PCDHGA1: variants seen among roughly 807,000 people sequenced by gnomAD.
PCDHGA1 encodes the protein protocadherin gamma subfamily A, 1, also known as protocadherin gamma-A1.
A neutral mutation model predicts 58.0 loss-of-function variants in PCDHGA1; 32 were observed. The ratio of observed to expected loss-of-function variants is 0.55; its 90% CI spans 0.42 to 0.74. The LOEUF is 0.74. Ranked by LOEUF, PCDHGA1 falls within the 30% of genes least tolerant of loss-of-function variation. The pLI is 0.00. For synonymous variants in PCDHGA1, 498 were observed against 501.1 expected, an observed-to-expected ratio of 0.99 and a Z score of 0.08; for missense variants, 1,205 against 1,182.3, an observed-to-expected ratio of 1.02 and a Z score of -0.28.
chr5:141,341,218 C>G lies in PCDHGA1; in HGVS notation c.2421+8113C>G, dbSNP rs1021542966. 1 of 1,614,252 alleles carries G rather than the reference C, an allele frequency of 6.2e-7. No homozygotes were observed. The highest frequency in any genetic ancestry group is 8.5e-7 in the Non-Finnish European group (1 of 1,180,054). Reference sequence around the variant, plus strand: ...TGGGCGTGGACGGGGTTCGGGCTTTCCTGCAGACCTATTCCCACGAGGTCT... The same window carrying G: ...TGGGCGTGGACGGGGTTCGGGCTTTGCTGCAGACCTATTCCCACGAGGTCT... On this transcript the variant is annotated intron_variant, in intron 1 of 3. Transcript: ENST00000517417.
At chr5:141,361,516 G>C in intron 1 of PCDHGA1, 2 of 1,614,060 alleles carry the variant, frequency 1.2e-6, no homozygotes. Flanking sequence ...CATGGTTCAC[G>C]TGGCAGAGAA....
Position 141,331,440 on chromosome 5 carries a change from C to T in PCDHGA1, c.756C>T (p.Pro252=), listed in dbSNP as rs1220360160. 3.1e-6 allele frequency: 5 copies of T among 1,614,094 alleles called. No individual in the cohort carries two copies. The highest frequency in any genetic ancestry group is 4.5e-5 in the East Asian group (2 of 44,876). Residue 252 remains proline (P), a synonymous_variant, in exon 1 of 4, where the codon CCC becomes CCT. Coordinates refer to ENST00000517417, the MANE Select transcript of PCDHGA1 (RefSeq NM_018912.3). ...AGGCACAATACCATATAAATGTCCC[C>T]GAAAACGTGCCGCTGGGTACTCAGC... ...FTQAQYHINV[P]ENVPLGTQLL...
intron 1 of PCDHGA1, chr5:141,418,083 T>C: frequency 6.2e-7 from 1 of 1,614,068 alleles, no homozygotes; most frequent in Non-Finnish European, 8.5e-7. Context: ...AAGCTGCACT[T>C]CAGCGTAGAC....
chr5:141,356,986 A>C, intron 1 of PCDHGA1: 1 of 1,614,164 alleles, frequency 6.2e-7, no homozygotes, highest in Non-Finnish European at 8.5e-7. Context: ...GGCAGTGGAC[A>C]GAGACTCAGG....
rs1267617024 is a variant in PCDHGA1 at position 141,476,542 on chromosome 5, G to T, written c.2422-18265G>T. The T allele has an allele frequency of 6.2e-7, 1 of 1,614,210 alleles. No individual in the cohort carries two copies. The highest frequency in any genetic ancestry group is 1.7e-5 in the Admixed American group (1 of 60,036). On this transcript the variant is annotated intron_variant, in intron 1 of 3. Transcript: ENST00000517417. This position sits in a 1 kb window ranked among gnomAD's most constrained non-coding sequence, Gnocchi z 7.6. ...CTTTCCCTACCCAGGAAATGAAATT[G>T]GAGATTAGCGAGGCCGTGGCTCCGG...
chr5:141,423,699 T>C, intron 1 of PCDHGA1: 1 of 1,469,146 alleles, frequency 6.8e-7, no homozygotes, highest in East Asian at 2.5e-5. Context: ...GTTGGTGTCT[T>C]GGCACAAGTC....
chr5:141,362,610 G>T, intron 1 of PCDHGA1: 1 of 1,557,774 alleles, frequency 6.4e-7, no homozygotes, highest in Non-Finnish European at 8.7e-7. Flanking sequence ...CACCTAATTT[G>T]GGTAGGAAGT....
chr5:141,476,697 C>T lies in PCDHGA1; in HGVS notation c.2422-18110C>T, dbSNP rs758302668. The T allele has an allele frequency of 2.5e-6, 4 of 1,614,110 alleles. No individual in the cohort carries two copies. The highest frequency in any genetic ancestry group is 2.2e-5 in the South Asian group (2 of 91,088). The stretch of plus-strand genomic sequence containing the variant: ...ACGCGGGAGGACAGCACCAAGTACG[C>T]GGAGCTGGTGTTGGAGCGCGCCCTG... On this transcript the variant is annotated intron_variant, in intron 1 of 3. Coordinates refer to ENST00000517417, the MANE Select transcript of PCDHGA1 (RefSeq NM_018912.3). The surrounding 1 kb of genome is among the most constrained non-coding windows in gnomAD (Gnocchi z 7.6).
At position 141,432,898 on chromosome 5, in the gene PCDHGA1, G is replaced by C. The variant is rs746913952; in HGVS notation, c.2422-61909G>C. ...TGGCCTTCGTCATCTTGCTGCTGGC[G>C]CTCAGGCTGCGGCGCTGGCACAAGT... On this transcript the variant is annotated intron_variant, in intron 1 of 3. Coordinates refer to ENST00000517417, the MANE Select transcript of PCDHGA1 (RefSeq NM_018912.3). The surrounding 1 kb of genome is among the most constrained non-coding windows in gnomAD (Gnocchi z 6.0). 28 of 1,614,056 alleles carry C rather than the reference G, an allele frequency of 1.7e-5. No individual in the cohort carries two copies. In the African/African-American group the frequency reaches 2.4e-4, roughly 14 times the overall value.
intron 1 of PCDHGA1, chr5:141,403,981 T>C (rs374013287): frequency 1.4e-5 from 23 of 1,613,600 alleles, no homozygotes; most frequent in Admixed American, 1.2e-4. Flanking sequence ...TAAATGACAA[T>C]AGACCTGAAG....
chr5:141,421,614 T>C (rs552534116), intron 1 of PCDHGA1: 3 of 1,613,810 alleles, frequency 1.9e-6, no homozygotes, highest in South Asian at 2.2e-5. Flanking sequence ...ATATTAATGA[T>C]AACGCCCCCA....
At chr5:141,480,653 T>C (rs1214823403) in intron 1 of PCDHGA1, among the ~76,000 whole-genome samples, 2 of 152,190 alleles carry the variant, frequency 1.3e-5, no homozygotes, top group Admixed American at 1.3e-4. Context: ...TGGTTGCACA[T>C]TAAAATCACC....
In PCDHGA1 at chr5:141,376,620, C is replaced by T. The variant is rs2150087257; in HGVS notation, c.2421+43515C>T. The stretch of plus-strand genomic sequence containing the variant: ...TTATAGAAGCGAACCTCTTTTGGTA[C>T]AGGAAGATTCGTGATTTTGTAAAGT... On this transcript the variant is annotated intron_variant, in intron 1 of 3. Transcript: ENST00000517417. 2.9e-6 allele frequency: 4 copies of T among 1,360,830 alleles called. No homozygotes were observed. In the East Asian group the frequency reaches 7.4e-5, roughly 25 times the overall value. The allele number at this position is 1,360,830 out of a possible 1,614,324, so 84.3% of individuals were successfully genotyped here. A position where few individuals can be genotyped will look rare whatever the true frequency, so the allele number is the denominator to read the frequency against.
chr5:141,485,274 C>T lies in PCDHGA1; in HGVS notation c.2422-9533C>T. On this transcript the variant is annotated intron_variant, in intron 1 of 3. Transcript: ENST00000517417. The surrounding 1 kb of genome is among the most constrained non-coding windows in gnomAD (Gnocchi z 5.7). Reference sequence around the variant, plus strand: ...TACGTTTGTGGGCAGATCCGCTACCCGGTCCCAGAGGAGTCACAGGAAGGG... The same window carrying T: ...TACGTTTGTGGGCAGATCCGCTACCTGGTCCCAGAGGAGTCACAGGAAGGG... The T allele has an allele frequency of 6.2e-7, 1 of 1,614,106 alleles. No individual in the cohort carries two copies. Among genetic ancestry groups the T allele is most frequent in the South Asian group, 1.1e-5 (1 of 91,086 alleles).
chr5:141,346,552 G>T (rs1464765886), intron 1 of PCDHGA1: 1 of 1,518,562 alleles, frequency 6.6e-7, no homozygotes, highest in Non-Finnish European at 8.9e-7. Context: ...ATAAAGCCAT[G>T]AGGTTGTCAT....
At chr5:141,350,467 G>A in intron 1 of PCDHGA1, 2 of 1,613,996 alleles carry the variant, frequency 1.2e-6, no homozygotes, top group Non-Finnish European at 1.7e-6. Flanking sequence ...TTAGTGCAGA[G>A]GATTATTTCA....
chr5:141,464,310 A>T lies in PCDHGA1; in HGVS notation c.2422-30497A>T, dbSNP rs1327900308. ...AAAAAACTCCATTGTATGTGCACAT[A>T]TCATTATCTGTTCAACCCATCTATG... On this transcript the variant is annotated intron_variant, in intron 1 of 3. Coordinates refer to ENST00000517417, the MANE Select transcript of PCDHGA1 (RefSeq NM_018912.3). 2.0e-5 allele frequency among the ~76,000 whole-genome samples: 3 copies of T among 151,494 alleles called. No homozygotes were observed. The East Asian group carries it at 5.8e-4, about 29-fold the overall frequency.
intron 1 of PCDHGA1, among the ~76,000 whole-genome samples, chr5:141,460,912 G>GTGTATA (rs145509489): frequency 0.032 from 4,842 of 149,286 alleles, 90 homozygotes; most frequent in Middle Eastern, 0.083. Flanking sequence ...ATTCCATGGT[G>GTGTATA]TATATATATA....
chr5:141,490,196 A>G lies in PCDHGA1; in HGVS notation c.2422-4611A>G, dbSNP rs748858034. On this transcript the variant is annotated intron_variant, in intron 1 of 3. Coordinates refer to ENST00000517417, the MANE Select transcript of PCDHGA1 (RefSeq NM_018912.3). The surrounding 1 kb of genome is among the most constrained non-coding windows in gnomAD (Gnocchi z 5.4). ...GAGGAGTCACGTTTCTATGAAATTCATGCAAGAGCCCGTGACCAGGGACAG... is the reference window on the plus strand; with the variant it reads ...GAGGAGTCACGTTTCTATGAAATTCGTGCAAGAGCCCGTGACCAGGGACAG... The G allele has an allele frequency of 3.7e-6, 6 of 1,614,196 alleles. No individual in the cohort carries two copies. The highest frequency in any genetic ancestry group is 4.2e-6 in the Non-Finnish European group (5 of 1,180,020).
Sources: gnomAD v4.1 joint callset for allele counts (sites outside exome capture counted in the v4.1 genomes callset) on GRCh38, gnomAD v4.1.1 for gene constraint, Gnocchi (gnomAD v3.1) non-coding constraint, MANE v1.5 for transcripts, NCBI Gene and HGNC (gene_info 2026-07-23, HGNC 2026-07-21) for gene names.